Variants in PTGIS observed in about 807,000 individuals in gnomAD.
PTGIS encodes prostaglandin I2 synthase, also known as prostacyclin synthase.
A neutral mutation model predicts 50.3 loss-of-function variants in PTGIS; 45 were observed. The ratio of observed to expected loss-of-function variants is 0.90; its 90% CI spans 0.70 to 1.15. The LOEUF (loss-of-function observed/expected upper bound fraction) is 1.15. Among genes scored for constraint, PTGIS ranks in the 50% most tolerant of loss-of-function variants. The pLI is 0.00. For missense variants in PTGIS, 668 were observed against 661.3 expected, an observed-to-expected ratio of 1.01 and a Z score of -0.11; for synonymous variants, 260 against 267.7, an observed-to-expected ratio of 0.97 and a Z score of 0.28.
rs1314733173 is a variant in PTGIS at position 49,540,154 on chromosome 20, T to C, written c.522-433A>G. ...AGAGCAAGCACCAGGTGTGATGTCC[T>C]GGGGCAGGAGGGAGCCCGGTGCTGG... is the stretch of plus-strand genomic sequence containing the variant. On this transcript the variant is annotated intron_variant, in intron 4 of 9. Transcript: ENST00000244043. This position sits in a 1 kb window ranked among gnomAD's most constrained non-coding sequence, Gnocchi z 4.8. Among the ~76,000 whole-genome samples, 1 of 151,896 alleles carries C rather than the reference T, an allele frequency of 6.6e-6. No homozygotes were observed. The highest frequency in any genetic ancestry group is 1.5e-5 in the Non-Finnish European group (1 of 67,960).
intron 6 of PTGIS, among the ~76,000 whole-genome samples, 158 bp from the exon 7 acceptor site, chr20:49,514,553 A>T (rs1013571985): frequency 2.0e-5 from 3 of 152,226 alleles, no homozygotes; most frequent in Non-Finnish European, 4.4e-5. Flanking sequence ...CAGCCTCAGG[A>T]CATGGCCAAA....
intron 5 of PTGIS, among the ~76,000 whole-genome samples, chr20:49,537,240 T>TG (rs1404793357): frequency 6.6e-6 from 1 of 152,132 alleles, no homozygotes; most frequent in African/African-American, 2.4e-5. Flanking sequence ...TCAGGGAAGT[T>TG]GGGGGCACAT....
intron 6 of PTGIS, among the ~76,000 whole-genome samples, chr20:49,520,747 GCCTTGA>G (rs1981630435): frequency 1.3e-5 from 2 of 152,120 alleles, no homozygotes; most frequent in Non-Finnish European, 2.9e-5. Flanking sequence ...GCTCATTGCA[GCCTTGA>G]CCTCCTAGGC....
At chr20:49,536,478 C>CTTTCTT (rs1555804436) in intron 5 of PTGIS, among the ~76,000 whole-genome samples, 8 of 108,662 alleles carry the variant, frequency 7.4e-5, no homozygotes, top group Admixed American at 1.9e-4. Flanking sequence ...TTCTTTCTTT[C>CTTTCTT]TTTTTTTTTT....
intron 4 of PTGIS, 53 bp downstream of exon 4, chr20:49,544,252 C>G: frequency 6.2e-7 from 1 of 1,609,558 alleles, no homozygotes; most frequent in Non-Finnish European, 8.5e-7. Context: ...TCATGGCTGA[C>G]ACAGGTCAAA....
At chr20:49,554,039 T>C (rs1982570768) in intron 1 of PTGIS, among the ~76,000 whole-genome samples, 1 of 152,194 alleles carries the variant, frequency 6.6e-6, no homozygotes, top group Non-Finnish European at 1.5e-5. Flanking sequence ...CACTAAAGAA[T>C]TGGTTAGAAC....
intron 4 of PTGIS, among the ~76,000 whole-genome samples, chr20:49,541,854 G>GT (rs1982239796): frequency 6.6e-6 from 1 of 152,182 alleles, no homozygotes; most frequent in Non-Finnish European, 1.5e-5. Context: ...GAGCACGGCT[G>GT]AAGACAGGAT....
At chr20:49,525,699 T>C (rs1222843528) in intron 5 of PTGIS, among the ~76,000 whole-genome samples, 1 of 152,052 alleles carries the variant, frequency 6.6e-6, no homozygotes, top group Non-Finnish European at 1.5e-5. Flanking sequence ...AACAAAAATA[T>C]AAAATATAAA....
At chr20:49,527,947 C>T (rs1981831555) in intron 5 of PTGIS, among the ~76,000 whole-genome samples, 1 of 151,924 alleles carries the variant, frequency 6.6e-6, no homozygotes. Flanking sequence ...GCCAGCCTGA[C>T]CAACATGGTG....
chr20:49,553,785 T>C (rs530341945), intron 1 of PTGIS, among the ~76,000 whole-genome samples: 12 of 152,078 alleles, frequency 7.9e-5, no homozygotes, highest in African/African-American at 2.6e-4. Context: ...AAAATAATTG[T>C]ATATGGAAAG....
At chr20:49,508,557 G>A (rs1043422869) in intron 9 of PTGIS, among the ~76,000 whole-genome samples, 1 of 151,958 alleles carries the variant, frequency 6.6e-6, no homozygotes, top group South Asian at 2.1e-4. Context: ...TTAATACGGC[G>A]ACTCCTCTGG....
chr20:49,547,855 C>T lies in PTGIS; in HGVS notation c.363G>A (p.Lys121=). 1.2e-6 allele frequency: 2 copies of T among 1,614,140 alleles called. No individual in the cohort carries two copies. The highest frequency in any genetic ancestry group is 1.7e-6 in the Non-Finnish European group (2 of 1,180,024). The stretch of plus-strand genomic sequence containing the variant: ...CAGCCACTCACAGTTTCATCCTGGC[C>T]TTTTCATCACTGGGGCTGTAATGTG... The part of the protein sequence containing the change: ...QLPHYSPSDE[K]ARMKLTLLHR... The change falls in exon 3 of 10, where the codon AAG becomes AAA. Residue 121 remains lysine, a synonymous_variant. Transcript: ENST00000244043.
intron 1 of PTGIS, among the ~76,000 whole-genome samples, chr20:49,557,234 G>A (rs1982641630): frequency 6.6e-6 from 1 of 152,146 alleles, no homozygotes; most frequent in Admixed American, 6.5e-5. Flanking sequence ...TGAGAGATCA[G>A]ACAAAACCTG....
At chr20:49,528,386 C>T (rs900386490) in intron 5 of PTGIS, among the ~76,000 whole-genome samples, 1 of 152,064 alleles carries the variant, frequency 6.6e-6, no homozygotes, top group Non-Finnish European at 1.5e-5. Flanking sequence ...CCGAGACGGG[C>T]AGATCACCTG....
chr20:49,508,371 C>T (rs1199997986), intron 9 of PTGIS, among the ~76,000 whole-genome samples: 1 of 152,238 alleles, frequency 6.6e-6, no homozygotes, highest in East Asian at 1.9e-4. Flanking sequence ...TGCCTGGCAG[C>T]CATGCAGGCT....
At position 49,560,743 on chromosome 20, in the gene PTGIS, G is replaced by A. The variant is rs552689685; in HGVS notation, c.74+7300C>T. On this transcript the variant is annotated intron_variant, in intron 1 of 9. Coordinates refer to ENST00000244043, the MANE Select transcript of PTGIS (RefSeq NM_000961.4). ...AAGGTACTGGGGTGGGAGCATGCTC[G>A]GTGAGGTTTTCGAGACAGCAGGAGC... Among the ~76,000 whole-genome samples, 195 of 152,276 alleles carry A rather than the reference G, an allele frequency of 1.3e-3. 1 individual carries two copies. The highest frequency in any genetic ancestry group is 4.4e-3 in the African/African-American group (182 of 41,580).
intron 7 of PTGIS, among the ~76,000 whole-genome samples, chr20:49,513,847 C>T (rs1181780017): frequency 6.6e-6 from 1 of 152,162 alleles, no homozygotes; most frequent in Non-Finnish European, 1.5e-5. Context: ...GAGCTGCCAA[C>T]AGCTACTGCC....
intron 5 of PTGIS, among the ~76,000 whole-genome samples, chr20:49,528,210 T>C (rs536445153): frequency 1.3e-5 from 2 of 152,256 alleles, no homozygotes; most frequent in Admixed American, 1.3e-4. Flanking sequence ...AAATGAAAAA[T>C]TCCGGACATA....
chr20:49,567,961 C>T, intron 1 of PTGIS, 82 bp downstream of exon 1: 1 of 1,305,500 alleles, frequency 7.7e-7, no homozygotes, highest in Non-Finnish European at 9.9e-7. Context: ...GGGCCGGCCG[C>T]GGGCTCCGAG....
Sources: allele counts gnomAD v4.1 joint callset (sites outside exome capture counted in the v4.1 genomes callset), GRCh38; gene constraint gnomAD v4.1.1; non-coding constraint Gnocchi (gnomAD v3.1); transcripts MANE v1.5; gene names NCBI Gene and HGNC (gene_info 2026-07-23, HGNC 2026-07-21).